Variants in FBF1 observed in about 807,000 individuals in gnomAD.
FBF1 encodes Fas binding factor 1, also known as fas-binding factor 1.
In FBF1, 119 loss-of-function variants were observed where a neutral mutation model predicts 147.2. That is an observed-to-expected ratio of 0.81 (90% CI 0.70 to 0.94). The LOEUF is 0.94. Ranked by LOEUF, FBF1 falls within the 40% of genes least tolerant of loss-of-function variation. The pLI, the probability that FBF1 is intolerant of heterozygous loss-of-function variation, is 0.00. For synonymous variants in FBF1, 601 were observed against 609.0 expected, an observed-to-expected ratio of 0.99 and a Z score of 0.19; for missense variants, 1,449 against 1,500.8, an observed-to-expected ratio of 0.97 and a Z score of 0.57.
chr17:75,910,747 G>GT lies in FBF1; in HGVS notation c.3422dup (p.Tyr1141Ter), dbSNP rs776970657. Residue 1141 changes from tyrosine (Y) to a stop codon, truncating the protein, a stop_gained and frameshift_variant, in exon 30 of 30, where the codon TAC (tyrosine) becomes TAAC (stop). Coordinates refer to ENST00000636174, the MANE Select transcript of FBF1 (RefSeq NM_001319193.2). LOFTEE classifies it high-confidence loss of function. This position sits in a 1 kb window ranked among gnomAD's most constrained non-coding sequence, Gnocchi z 4.1. The part of the protein sequence containing the change: ...FFLETLKKGS[Y>*]NLTSHSA ...CTCAGGCTGAATGAGATGTCAAATT[G>GT]TAGGACCCTTTCTTCAGGGTCTCCA... The GT allele has an allele frequency of 1.4e-5, 23 of 1,610,724 alleles. No homozygotes were observed. Among genetic ancestry groups the GT allele is most frequent in the Non-Finnish European group, 2.0e-5 (23 of 1,178,756 alleles).
intron 6 of FBF1, 199 bp from the exon 7 acceptor site, chr17:75,930,246 G>A (rs2065586405): frequency 1.7e-6 from 1 of 588,972 alleles, no homozygotes. Flanking sequence ...AAACCTGCCT[G>A]GTTTTAGAGA....
intron 24 of FBF1, 37 bp from the exon 25 acceptor site, chr17:75,914,969 C>T (rs1266648040): frequency 1.2e-6 from 2 of 1,611,928 alleles, no homozygotes; most frequent in Admixed American, 1.7e-5. Flanking sequence ...GTGAGTGTCC[C>T]TGGGCATAAT....
Position 75,931,232 on chromosome 17 carries a change from A to G in FBF1, c.225T>C (p.Ala75=), listed in dbSNP as rs770711201. The change falls in exon 6 of 30, where the codon GCT becomes GCC. Residue 75 remains alanine (A), a synonymous_variant. Coordinates refer to ENST00000636174, the MANE Select transcript of FBF1 (RefSeq NM_001319193.2). ...GGAGGGAAACAGCCAGGCTCACCTC[A>G]GCATCAGCTTCTTCCAGGCCTGCCA... The part of the protein sequence containing the change: ...STMAGLEEAD[A]EVSGISEADP... 1.9e-6 allele frequency: 3 copies of G among 1,575,104 alleles called. No homozygotes were observed. Among genetic ancestry groups the G allele is most frequent in the Non-Finnish European group, 1.7e-6 (2 of 1,160,378 alleles).
In FBF1 at chr17:75,914,041, C is replaced by T. The variant is rs2065472706; in HGVS notation, c.3001G>A (p.Glu1001Lys). ...EVESMSKVASEKYEEGERALR... is the reference protein window; with the variant it reads ...EVESMSKVASKKYEEGERALR... ...GCCCGCTCCCCCTCCTCGTACTTCT[C>T]GGAGGCCACCTGCAGGGAGGCCGCC... is the stretch of plus-strand genomic sequence containing the variant. Residue 1001 changes from glutamate to lysine, a missense_variant, in exon 27 of 30, where the codon GAG becomes AAG. Glu to Lys is a moderately conservative substitution (Grantham distance 56). Coordinates refer to ENST00000636174, the MANE Select transcript of FBF1 (RefSeq NM_001319193.2). 3 of 1,589,840 alleles carry T rather than the reference C, an allele frequency of 1.9e-6. No individual in the cohort carries two copies. The highest frequency in any genetic ancestry group is 2.6e-6 in the Non-Finnish European group (3 of 1,175,086).
chr17:75,918,064 C>T lies in FBF1; in HGVS notation c.2253G>A (p.Leu751=), dbSNP rs748371897. 1.2e-6 allele frequency: 2 copies of T among 1,608,938 alleles called. No homozygotes were observed. The highest frequency in any genetic ancestry group is 2.2e-5 in the South Asian group (2 of 90,318). ...TCTCCATCTGGTGGATGATGCTATT[C>T]AGGGACCTGGAAGAAGACTGGGTCA... The part of the protein sequence containing the change: ...ATSATSHTRS[L]NSIIHQMEKF... Residue 751 remains leucine (L), a synonymous_variant, in exon 22 of 30, where the codon CTG becomes CTA. Coordinates refer to ENST00000636174, the MANE Select transcript of FBF1 (RefSeq NM_001319193.2). This position sits in a 1 kb window ranked among gnomAD's most constrained non-coding sequence, Gnocchi z 5.8.
At position 75,926,163 on chromosome 17, in the gene FBF1, C is replaced by G; in HGVS notation, c.735G>C (p.Gln245His). 1 of 1,608,018 alleles carries G rather than the reference C, an allele frequency of 6.2e-7. No homozygotes were observed. ...TGGAGCGAGCAGGGCGAGGCCCTTC[C>G]CTGCAGGACGGGACACACGGCAGGA... is the stretch of plus-strand genomic sequence containing the variant. ...PKAEKRQIGD[Q>H]EGPRPARSTL... The change falls in exon 12 of 30, where the codon CAG becomes CAC. Residue 245 changes from glutamine to histidine, a missense_variant and splice_region_variant. Physicochemically the swap from Gln to His is conservative, Grantham distance 24 (BLOSUM62 0). Coordinates refer to ENST00000636174, the MANE Select transcript of FBF1 (RefSeq NM_001319193.2).
In FBF1 at chr17:75,929,964, C is replaced by CCCCCCCCACAAA; in HGVS notation, c.279+32_279+33insTTTGTGGGGGGG. On this transcript the variant is annotated intron_variant, in intron 7 of 29. Coordinates refer to ENST00000636174, the MANE Select transcript of FBF1 (RefSeq NM_001319193.2). ...ATCATGACCCCACCCCACCCACCCC[C>CCCCCCCCACAAA]AGTTCTAAGAATCGTGCAAGCTGTT... 5 of 1,402,200 alleles carry CCCCCCCCACAAA rather than the reference C, an allele frequency of 3.6e-6. No homozygotes were observed. The South Asian group carries it at 3.7e-5, about 10-fold the overall frequency. The allele number at this position is 1,402,200 out of a possible 1,614,324, so 86.9% of individuals were successfully genotyped here.
In FBF1 at chr17:75,923,761, G is replaced by A. The variant is rs2065543889; in HGVS notation, c.969-120C>T. The A allele has an allele frequency of 4.0e-6, 4 of 1,004,470 alleles. No individual in the cohort carries two copies. The South Asian group carries it at 6.8e-5, about 17-fold the overall frequency. The allele number at this position is 1,004,470 out of a possible 1,614,324, so 62.2% of individuals were successfully genotyped here. A position where few individuals can be genotyped will look rare whatever the true frequency, so the allele number is the denominator to read the frequency against. On this transcript the variant is annotated intron_variant, in intron 13 of 29. Transcript: ENST00000636174. The surrounding 1 kb of genome is among the most constrained non-coding windows in gnomAD (Gnocchi z 4.1). ...CCTGCACAGTCAGCTGAGGCCCAGTGAGCAGTGGCTCCTGGACCGGCTCAG... is the reference window on the plus strand; with the variant it reads ...CCTGCACAGTCAGCTGAGGCCCAGTAAGCAGTGGCTCCTGGACCGGCTCAG...
Position 75,921,447 on chromosome 17 carries a change from A to G in FBF1, c.1615+25T>C, listed in dbSNP as rs770863252. ...TCCTCACCCAGGGTTAAACTCCCAA[A>G]TGAAGCAGCAAACAAAAAACAAACC... On this transcript the variant is annotated intron_variant, in intron 16 of 29. Coordinates refer to ENST00000636174, the MANE Select transcript of FBF1 (RefSeq NM_001319193.2). The G allele has an allele frequency of 9.1e-5, 146 of 1,602,898 alleles. 1 individual carries two copies. Among genetic ancestry groups the G allele is most frequent in the South Asian group, 5.8e-4 (52 of 89,494 alleles).
At chr17:75,927,228 C>T (rs2065567804) in intron 9 of FBF1, among the ~76,000 whole-genome samples, 4 of 152,224 alleles carry the variant, frequency 2.6e-5, no homozygotes, top group Admixed American at 2.6e-4. Flanking sequence ...CCTTCCTATA[C>T]TTGGGAAGAT....
chr17:75,920,218 G>A (rs2065516662), intron 18 of FBF1, 56 bp downstream of exon 18: 1 of 1,594,506 alleles, frequency 6.3e-7, no homozygotes, highest in Middle Eastern at 2.2e-4. Context: ...GCCACTCTCA[G>A]TGTCCCCTCC....
intron 23 of FBF1, among the ~76,000 whole-genome samples, chr17:75,917,192 G>A (rs914942317): frequency 5.9e-5 from 9 of 152,136 alleles, no homozygotes; most frequent in Non-Finnish European, 1.3e-4. Flanking sequence ...TCAAATTCTG[G>A]GCCTTAAGTG....
Position 75,928,264 on chromosome 17 carries a change from T to G in FBF1, c.280-71A>C. Reference sequence around the variant, plus strand: ...GCTGAGGACTTCCACCTGAGAGAGATGGGCTGTTGGCACCCCAGGTGTAGA... The same window carrying G: ...GCTGAGGACTTCCACCTGAGAGAGAGGGGCTGTTGGCACCCCAGGTGTAGA... On this transcript the variant is annotated intron_variant, in intron 7 of 29. Transcript: ENST00000636174. This position sits in a 1 kb window ranked among gnomAD's most constrained non-coding sequence, Gnocchi z 4.2. 2 of 1,226,838 alleles carry G rather than the reference T, an allele frequency of 1.6e-6. No individual in the cohort carries two copies. Among genetic ancestry groups the G allele is most frequent in the South Asian group, 1.2e-5 (1 of 80,178 alleles). 76.0% of individuals were successfully genotyped at this position (1,226,838 alleles called of 1,614,324 possible).
At chr17:75,935,705 G>A (rs1174986939) in intron 3 of FBF1, 32 bp from the exon 4 acceptor site, 18 of 1,532,908 alleles carry the variant, frequency 1.2e-5, no homozygotes, top group Non-Finnish European at 1.4e-5. Context: ...CATGACTTCA[G>A]GAGGAAAGAA....
At position 75,923,185 on chromosome 17, in the gene FBF1, C is replaced by A. The variant is rs2144172957; in HGVS notation, c.1424+1G>T. ...CTAGCCACAGCAGCCTAAGTCAGTA[C>A]CTGCCAGAAGGGGGATGGCCCGCTG... On this transcript the variant is annotated splice_donor_variant, in intron 14 of 29. Coordinates refer to ENST00000636174, the MANE Select transcript of FBF1 (RefSeq NM_001319193.2). LOFTEE classifies it high-confidence loss of function. The surrounding 1 kb of genome is among the most constrained non-coding windows in gnomAD (Gnocchi z 4.1). 4 of 1,575,398 alleles carry A rather than the reference C, an allele frequency of 2.5e-6. No individual in the cohort carries two copies. The highest frequency in any genetic ancestry group is 3.4e-6 in the Non-Finnish European group (4 of 1,161,252).
chr17:75,915,358 A>G (rs1266604903), intron 23 of FBF1, among the ~76,000 whole-genome samples: 2 of 152,134 alleles, frequency 1.3e-5, no homozygotes, highest in Admixed American at 6.6e-5. Flanking sequence ...TGCCCTCCCA[A>G]CCCTCAGGTC....
chr17:75,913,877 C>T (rs1404304042), intron 27 of FBF1, 36 bp downstream of exon 27: 7 of 1,555,826 alleles, frequency 4.5e-6, no homozygotes, highest in African/African-American at 4.1e-5. Flanking sequence ...CTGGGGGTGC[C>T]GGGGGCAGGG....
Position 75,918,268 on chromosome 17 carries a change from C to A in FBF1, c.2140G>T (p.Ala714Ser). 1 of 1,611,724 alleles carries A rather than the reference C, an allele frequency of 6.2e-7. No homozygotes were observed. The highest frequency in any genetic ancestry group is 8.5e-7 in the Non-Finnish European group (1 of 1,178,738). ...EMERLRELQR[A>S]SILDMRRDHE... ...TCTCTGCGCATGTCTAGGATGGACGCCCTGAGGGGAGGCGGGAGGGGAAGG... is the reference window on the plus strand; with the variant it reads ...TCTCTGCGCATGTCTAGGATGGACGACCTGAGGGGAGGCGGGAGGGGAAGG... The change falls in exon 21 of 30, where the codon GCG becomes TCG. Residue 714 changes from alanine (A) to serine (S), a missense_variant and splice_region_variant. Transcript: ENST00000636174. This position sits in a 1 kb window ranked among gnomAD's most constrained non-coding sequence, Gnocchi z 5.8.
At chr17:75,938,694 C>T (rs1185841007) in intron 1 of FBF1, among the ~76,000 whole-genome samples, 2 of 151,456 alleles carry the variant, frequency 1.3e-5, no homozygotes, top group Admixed American at 6.6e-5. Context: ...TAAAACCCCA[C>T]CTCTACTAAA....
Sources: allele counts gnomAD v4.1 joint callset (sites outside exome capture counted in the v4.1 genomes callset), GRCh38; gene constraint gnomAD v4.1.1; non-coding constraint Gnocchi (gnomAD v3.1); transcripts MANE v1.5; gene names NCBI Gene and HGNC (gene_info 2026-07-23, HGNC 2026-07-21).